The following PLCB1 variants were observed in gnomAD, a reference collection of about 807,000 sequenced individuals.
PLCB1 encodes 1-phosphatidylinositol 4,5-bisphosphate phosphodiesterase beta-1.
PLCB1 carries 46 observed loss-of-function variants against 161.8 expected under a neutral mutation model. The ratio of observed to expected loss-of-function variants is 0.28; its 90% CI spans 0.22 to 0.36. The LOEUF (loss-of-function observed/expected upper bound fraction) is 0.36, where lower values mean the gene tolerates loss of function less well. Ranked by LOEUF, PLCB1 falls within the 10% of genes least tolerant of loss-of-function variation. The pLI is 1.00. For missense variants in PLCB1, 1,016 were observed against 1,472.5 expected, an observed-to-expected ratio of 0.69 and a Z score of 5.07; for synonymous variants, 517 against 503.7, an observed-to-expected ratio of 1.03 and a Z score of -0.35.
chr20:8,765,686 G>A (rs554407910), intron 26 of PLCB1, among the ~76,000 whole-genome samples: 17 of 152,128 alleles, frequency 1.1e-4, no homozygotes, highest in African/African-American at 3.6e-4. Context: ...TAGTTGGAGA[G>A]GCAGCTGATT....
At chr20:8,637,092 G>T (rs552200760) in intron 4 of PLCB1, among the ~76,000 whole-genome samples, 14 of 151,690 alleles carry the variant, frequency 9.2e-5, no homozygotes, top group Non-Finnish European at 1.3e-4. Flanking sequence ...AGAAAATCTG[G>T]CTTCCTTGTT....
At chr20:8,740,188 T>C (rs1251772733) in intron 21 of PLCB1, among the ~76,000 whole-genome samples, 156 bp from the exon 22 acceptor site, 2 of 152,202 alleles carry the variant, frequency 1.3e-5, no homozygotes, top group Non-Finnish European at 2.9e-5. Context: ...AGAAAAATAA[T>C]GCCTTATCAT....
intron 31 of PLCB1, 133 bp from the exon 32 acceptor site, chr20:8,881,489 G>A (rs1987987239): frequency 1.4e-6 from 1 of 712,234 alleles, no homozygotes. Context: ...TCCTCTATAG[G>A]TGACCAGTGA....
chr20:8,185,704 T>C (rs1037151624), intron 2 of PLCB1, among the ~76,000 whole-genome samples: 2 of 152,030 alleles, frequency 1.3e-5, no homozygotes, highest in Admixed American at 6.6e-5. Context: ...CTTTAATTTG[T>C]TTTTATTTAT....
chr20:8,427,919 GT>G (rs1335897630), intron 3 of PLCB1, among the ~76,000 whole-genome samples: 1 of 152,138 alleles, frequency 6.6e-6, no homozygotes, highest in Non-Finnish European at 1.5e-5. Context: ...GTGTAACAGG[GT>G]CTATGTGATT....
At chr20:8,273,613 A>G (rs993450835) in intron 2 of PLCB1, among the ~76,000 whole-genome samples, 5 of 152,182 alleles carry the variant, frequency 3.3e-5, no homozygotes, top group African/African-American at 1.2e-4. Context: ...CTGAACTGAT[A>G]TAAAGAACTG....
At chr20:8,353,092 C>T (rs967509045) in intron 2 of PLCB1, among the ~76,000 whole-genome samples, 2 of 152,006 alleles carry the variant, frequency 1.3e-5, no homozygotes, top group Non-Finnish European at 2.9e-5. Flanking sequence ...GGAACTAGGG[C>T]TCTTGGAGAA....
chr20:8,684,487 C>G (rs1418389022), intron 9 of PLCB1, among the ~76,000 whole-genome samples: 3 of 151,850 alleles, frequency 2.0e-5, no homozygotes, highest in East Asian at 3.9e-4. Context: ...CTCCTGACCT[C>G]AAGTGATCCA....
At chr20:8,788,195 G>A (rs1983581277) in intron 27 of PLCB1, among the ~76,000 whole-genome samples, 1 of 152,098 alleles carries the variant, frequency 6.6e-6, no homozygotes, top group Non-Finnish European at 1.5e-5. Context: ...TATAATAACT[G>A]CCACAACAAT....
At chr20:8,806,262 A>C (rs182010499) in intron 31 of PLCB1, among the ~76,000 whole-genome samples, 2 of 152,066 alleles carry the variant, frequency 1.3e-5, no homozygotes, top group African/African-American at 4.8e-5. Context: ...TTCCGTGTTC[A>C]TCGCATCTGC....
In PLCB1 at chr20:8,495,388, C is replaced by CTTTTTTTT. The variant is rs869173548; in HGVS notation, c.246+123958_246+123965dup. ...TGTGGACTTTGCCTTACCTTCCTTT[C>CTTTTTTTT]TTTTTTTTTTTTTTTTTTTTTTTTT... is the stretch of plus-strand genomic sequence containing the variant. On this transcript the variant is annotated intron_variant, in intron 3 of 31. Coordinates refer to ENST00000338037, the MANE Select transcript of PLCB1 (RefSeq NM_015192.4). Among the ~76,000 whole-genome samples the CTTTTTTTT allele has an allele frequency of 6.4e-4, 60 of 94,360 alleles. 6 individuals carry two copies. The highest frequency in any genetic ancestry group is 2.5e-3 in the African/African-American group (56 of 22,222). The allele number at this position is 94,360 out of a possible 152,430, so 61.9% of individuals were successfully genotyped here.
chr20:8,848,786 T>C (rs981294936), intron 31 of PLCB1, among the ~76,000 whole-genome samples: 1 of 152,162 alleles, frequency 6.6e-6, no homozygotes, highest in African/African-American at 2.4e-5. Context: ...TGTAGCAGGT[T>C]CCCCCCAGTG....
At chr20:8,457,774 C>T (rs143835465) in intron 3 of PLCB1, among the ~76,000 whole-genome samples, 32 of 151,818 alleles carry the variant, frequency 2.1e-4, no homozygotes, top group Non-Finnish European at 4.3e-4. Flanking sequence ...CTTCCAGGCA[C>T]CCTCAGCCAC....
At chr20:8,538,465 A>G (rs940346989) in intron 3 of PLCB1, among the ~76,000 whole-genome samples, 5 of 151,812 alleles carry the variant, frequency 3.3e-5, no homozygotes, top group African/African-American at 1.2e-4. Flanking sequence ...TCCCACCTCA[A>G]AAGCTTTTCT....
chr20:8,832,548 A>T (rs890004610), intron 31 of PLCB1, among the ~76,000 whole-genome samples: 1 of 152,214 alleles, frequency 6.6e-6, no homozygotes, highest in Non-Finnish European at 1.5e-5. Context: ...GATGACCTTG[A>T]TAACATTTTA....
chr20:8,852,681 G>A (rs1326202491), intron 31 of PLCB1, among the ~76,000 whole-genome samples: 1 of 152,236 alleles, frequency 6.6e-6, no homozygotes, highest in East Asian at 1.9e-4. Flanking sequence ...AGATTGGAAA[G>A]TGCCAGAGGC....
At chr20:8,568,386 T>C (rs559902006) in intron 3 of PLCB1, among the ~76,000 whole-genome samples, 17 of 152,298 alleles carry the variant, frequency 1.1e-4, no homozygotes, top group African/African-American at 3.8e-4. Context: ...TGCCTTCATT[T>C]CAAAAGATTT....
At chr20:8,638,999 G>A (rs140457107) in intron 4 of PLCB1, among the ~76,000 whole-genome samples, 81 of 146,326 alleles carry the variant, frequency 5.5e-4, no homozygotes, top group East Asian at 3.1e-3. Flanking sequence ...TCATGTAGCC[G>A]GAACCCTGAA....
At chr20:8,839,088 T>C (rs1322064125) in intron 31 of PLCB1, among the ~76,000 whole-genome samples, 2 of 152,198 alleles carry the variant, frequency 1.3e-5, no homozygotes, top group Admixed American at 6.5e-5. Context: ...TTATGCTGAT[T>C]GGACCTAGTG....
Sources: allele counts gnomAD v4.1 joint callset (sites outside exome capture counted in the v4.1 genomes callset), GRCh38; gene constraint gnomAD v4.1.1; transcripts MANE v1.5; gene names NCBI Gene and HGNC (gene_info 2026-07-23, HGNC 2026-07-21).